Variants in DLG2 observed in about 807,000 individuals in gnomAD.
DLG2 encodes discs large MAGUK scaffold protein 2, also known as disks large homolog 2.
Under a neutral mutation model 132.5 loss-of-function variants are expected in DLG2, and 45 were observed. That is an observed-to-expected ratio of 0.34 (90% CI 0.27 to 0.44). The LOEUF is 0.44. Among genes scored for constraint, DLG2 ranks in the 20% least tolerant of loss-of-function variants. DLG2 has a pLI of 1.00. For synonymous variants in DLG2, 424 were observed against 419.6 expected (o/e 1.01, Z -0.13); for missense variants, 1,045 against 1,196.9 (o/e 0.87, Z 1.87).
At chr11:85,274,744 C>T (rs1250447486) in intron 4 of DLG2, among the ~76,000 whole-genome samples, 3 of 152,156 alleles carry the variant, frequency 2.0e-5, no homozygotes, top group Non-Finnish European at 4.4e-5. Context: ...TAAAATATTA[C>T]TTAAAATACC....
chr11:84,516,568 T>C (rs1033927764), intron 7 of DLG2, among the ~76,000 whole-genome samples: 1 of 151,490 alleles, frequency 6.6e-6, no homozygotes, highest in African/African-American at 2.4e-5. Context: ...TGAATCAGTA[T>C]AAAGTCTTCC....
chr11:84,143,061 C>T (rs778283881), intron 9 of DLG2, among the ~76,000 whole-genome samples: 14 of 152,072 alleles, frequency 9.2e-5, no homozygotes, highest in Non-Finnish European at 1.5e-4. Flanking sequence ...TGAGATTTTT[C>T]GGTAACCTAT....
intron 6 of DLG2, among the ~76,000 whole-genome samples, chr11:84,915,153 T>C (rs1463396591): frequency 2.6e-5 from 4 of 152,160 alleles, no homozygotes; most frequent in African/African-American, 9.7e-5. Flanking sequence ...GCAGGGAACA[T>C]GTTACAGTGT....
chr11:84,956,330 G>A (rs2051658849), intron 6 of DLG2, among the ~76,000 whole-genome samples: 1 of 152,272 alleles, frequency 6.6e-6, no homozygotes, highest in African/African-American at 2.4e-5. Context: ...GCCCATACTT[G>A]GAGACGATCT....
chr11:83,622,678 G>A (rs1298049918), intron 19 of DLG2, among the ~76,000 whole-genome samples: 2 of 152,092 alleles, frequency 1.3e-5, no homozygotes, highest in African/African-American at 4.8e-5. Context: ...AGCCATTCAG[G>A]AGCAAGTTGT....
At chr11:83,976,476 A>T (rs781371520) in intron 12 of DLG2, among the ~76,000 whole-genome samples, 1 of 151,926 alleles carries the variant, frequency 6.6e-6, no homozygotes, top group Non-Finnish European at 1.5e-5. Flanking sequence ...GGGAAGATAC[A>T]AAGAATATGA....
intron 19 of DLG2, among the ~76,000 whole-genome samples, chr11:83,561,194 C>T (rs1379600765): frequency 1.3e-5 from 2 of 152,190 alleles, no homozygotes; most frequent in South Asian, 2.1e-4. Context: ...CACCTCCTAC[C>T]GGGCCCCACC....
intron 10 of DLG2, among the ~76,000 whole-genome samples, chr11:84,089,369 T>C (rs892212068): frequency 3.3e-5 from 5 of 152,196 alleles, no homozygotes; most frequent in Admixed American, 3.3e-4. Context: ...TCATTTTTCT[T>C]CCTTCTTTTC....
chr11:84,169,281 A>C (rs907182978), intron 8 of DLG2, among the ~76,000 whole-genome samples: 2 of 152,120 alleles, frequency 1.3e-5, no homozygotes, highest in African/African-American at 4.8e-5. Flanking sequence ...GGTAGGAATA[A>C]ATAATATTAC....
At chr11:84,998,712 T>C (rs2057920056) in intron 6 of DLG2, among the ~76,000 whole-genome samples, 1 of 152,112 alleles carries the variant, frequency 6.6e-6, no homozygotes, top group African/African-American at 2.4e-5. Context: ...GAAATTATTA[T>C]AATTTTCATG....
chr11:84,088,686 G>C (rs1395316438), intron 10 of DLG2, among the ~76,000 whole-genome samples: 1 of 152,094 alleles, frequency 6.6e-6, no homozygotes, highest in Non-Finnish European at 1.5e-5. Flanking sequence ...AATACAATTA[G>C]GGCTGATATT....
intron 6 of DLG2, among the ~76,000 whole-genome samples, chr11:84,946,836 A>G (rs2050268022): frequency 6.6e-6 from 1 of 152,198 alleles, no homozygotes; most frequent in African/African-American, 2.4e-5. Context: ...AAATTTATTT[A>G]GAGCCCCAGA....
chr11:84,909,600 G>A (rs762001961), intron 6 of DLG2, among the ~76,000 whole-genome samples: 6 of 151,918 alleles, frequency 3.9e-5, no homozygotes, highest in Non-Finnish European at 8.8e-5. Context: ...GGTCATCTAC[G>A]GCCCAATTAT....
chr11:83,466,678 G>T, intron 26 of DLG2, 30 bp downstream of exon 26: 1 of 1,279,444 alleles, frequency 7.8e-7, no homozygotes, highest in Non-Finnish European at 1.1e-6. Context: ...GGAGTCAGTT[G>T]GATGAAGGCC....
At chr11:83,968,313 C>G (rs532135949) in intron 12 of DLG2, among the ~76,000 whole-genome samples, 1 of 152,160 alleles carries the variant, frequency 6.6e-6, no homozygotes, top group South Asian at 2.1e-4. Context: ...GAGAATTGAA[C>G]CTGACTGATG....
chr11:85,250,083 G>A (rs889365790), intron 4 of DLG2, among the ~76,000 whole-genome samples: 3 of 152,158 alleles, frequency 2.0e-5, no homozygotes, highest in African/African-American at 7.2e-5. Flanking sequence ...CCAGCCCAAA[G>A]GAGGGAGTGA....
chr11:85,359,864 AAAG>A (rs1037566622), intron 3 of DLG2, among the ~76,000 whole-genome samples: 5 of 152,274 alleles, frequency 3.3e-5, no homozygotes, highest in African/African-American at 1.2e-4. Flanking sequence ...ACACAAAAGA[AAAG>A]AAGATTTGGG....
chr11:84,215,469 G>A (rs960248458), intron 8 of DLG2, among the ~76,000 whole-genome samples: 2 of 151,892 alleles, frequency 1.3e-5, no homozygotes, highest in Non-Finnish European at 2.9e-5. Flanking sequence ...TCTACAAGTT[G>A]AGCAGTTTCC....
chr11:84,460,894 G>A (rs771807321), intron 7 of DLG2, among the ~76,000 whole-genome samples: 4 of 150,760 alleles, frequency 2.7e-5, no homozygotes, highest in Non-Finnish European at 6.0e-5. Context: ...CACATTCTAA[G>A]TGAATAAATT....
Sources: gnomAD v4.1 joint callset for allele counts (sites outside exome capture counted in the v4.1 genomes callset) on GRCh38, gnomAD v4.1.1 for gene constraint, MANE v1.5 for transcripts, NCBI Gene and HGNC (gene_info 2026-07-23, HGNC 2026-07-21) for gene names.